The following DMD variants were observed in gnomAD, a reference collection of about 807,000 sequenced individuals.
DMD encodes the protein mutant dystrophin.
In DMD, 63 loss-of-function variants were observed where a neutral mutation model predicts 330.1. The ratio of observed to expected loss-of-function variants is 0.19; its 90% CI spans 0.16 to 0.24. The LOEUF (loss-of-function observed/expected upper bound fraction) is 0.24, where lower values mean the gene tolerates loss of function less well. DMD is among the 10% of genes least tolerant of loss of function. DMD has a pLI of 1.00. For synonymous variants in DMD, 1,223 were observed against 959.8 expected (o/e 1.27, Z -5.07); for missense variants, 3,344 against 2,684.1 (o/e 1.25, Z -5.43).
At chrX:31,523,243 T>A (rs1037116323) in intron 55 of DMD, among the ~76,000 whole-genome samples, 2 of 111,271 alleles carry the variant, frequency 1.8e-5, no homozygotes, top group African/African-American at 6.5e-5. Flanking sequence ...ATGAATGCCT[T>A]TATAAGAATG....
At chrX:32,662,923 A>T (rs181212852) in intron 9 of DMD, among the ~76,000 whole-genome samples, 1 of 112,233 alleles carries the variant, frequency 8.9e-6, no homozygotes, top group East Asian at 2.8e-4. Context: ...ACTGTCAAAA[A>T]TATTGACTGA....
At chrX:31,412,110 C>T (rs1209103598) in intron 60 of DMD, among the ~76,000 whole-genome samples, 2 of 100,696 alleles carry the variant, frequency 2.0e-5, no homozygotes, top group African/African-American at 7.5e-5. Flanking sequence ...CACTTGAACC[C>T]GGGAGGTGGA....
chrX:31,647,561 C>T (rs1335258031), intron 54 of DMD, among the ~76,000 whole-genome samples: 2 of 111,754 alleles, frequency 1.8e-5, no homozygotes, highest in South Asian at 3.7e-4. Context: ...AGGGTTTTTT[C>T]GTTTACACAT....
chrX:32,921,724 C>T (rs2088428698), intron 2 of DMD, among the ~76,000 whole-genome samples: 3 of 111,414 alleles, frequency 2.7e-5, no homozygotes, highest in Non-Finnish European at 3.8e-5. Context: ...GTACTATGTG[C>T]AATTAACTAG....
intron 55 of DMD, among the ~76,000 whole-genome samples, chrX:31,529,417 A>G (rs1041355597): frequency 1.6e-4 from 18 of 110,990 alleles, no homozygotes; most frequent in African/African-American, 5.9e-4. Context: ...AATAAAATAT[A>G]GTAAAGTAAA....
chrX:31,851,287 TAAAAA>T (rs200485120), intron 48 of DMD, among the ~76,000 whole-genome samples: 1 of 104,477 alleles, frequency 9.6e-6, no homozygotes, highest in Admixed American at 1.0e-4. Context: ...AAGGGAGACT[TAAAAA>T]AAAAAAACTT....
At chrX:32,511,749 T>A (rs1284041323) in intron 18 of DMD, among the ~76,000 whole-genome samples, 1 of 110,676 alleles carries the variant, frequency 9.0e-6, no homozygotes, top group Admixed American at 9.7e-5. Context: ...TAGAGCTGTT[T>A]ATCATATATG....
rs765884322 is a variant in DMD, at chrX:31,739,537, C to T, written c.7543-9789G>A. Among the ~76,000 whole-genome samples the T allele has an allele frequency of 1.0e-4, 11 of 110,315 alleles. No homozygotes were observed. In the East Asian group the frequency reaches 2.8e-3, roughly 28 times the overall value. On this transcript the variant is annotated intron_variant, in intron 51 of 78. Coordinates refer to ENST00000357033, the MANE Select transcript of DMD (RefSeq NM_004006.3). ...TTAAGCCTAGCACTGCATGTTCTCACTCGTAAGTGGGAATTGAACAATGAG... is the reference window on the plus strand; with the variant it reads ...TTAAGCCTAGCACTGCATGTTCTCATTCGTAAGTGGGAATTGAACAATGAG...
At chrX:31,641,054 A>G (rs1399878852) in intron 54 of DMD, among the ~76,000 whole-genome samples, 1 of 112,215 alleles carries the variant, frequency 8.9e-6, no homozygotes, top group Non-Finnish European at 1.9e-5. Context: ...ACAATTCTAG[A>G]GTGGGCTGAG....
In DMD at chrX:31,706,600, G is replaced by A. The variant is rs527318169; in HGVS notation, c.7660+23031C>T. ...AGACTCTAGTTTTCCTATATTCCAC[G>A]GTCCATTTGAAAGCACTAACTTATT... On this transcript the variant is annotated intron_variant, in intron 52 of 78. Transcript: ENST00000357033. Among the ~76,000 whole-genome samples, 111 of 110,248 alleles carry A rather than the reference G, an allele frequency of 1.0e-3. No individual in the cohort carries two copies. The Middle Eastern group carries it at 0.014, about 14-fold the overall frequency.
intron 47 of DMD, among the ~76,000 whole-genome samples, chrX:31,910,050 C>T: frequency 8.9e-6 from 1 of 112,364 alleles, no homozygotes; most frequent in Middle Eastern, 4.6e-3. Context: ...CCTTCGTTGG[C>T]AAATGAAGGA....
At chrX:31,327,314 C>T (rs997662001) in intron 61 of DMD, among the ~76,000 whole-genome samples, 11 of 112,122 alleles carry the variant, frequency 9.8e-5, no homozygotes, top group African/African-American at 3.2e-4. Context: ...TCTTCAAATG[C>T]TTTTCCTTCC....
intron 61 of DMD, among the ~76,000 whole-genome samples, chrX:31,333,407 CTTTTTTTTTTTT>C (rs145925904): frequency 0.012 from 461 of 39,371 alleles, 10 homozygotes; most frequent in African/African-American, 0.046. Context: ...CTGCCCCCGC[CTTTTTTTTTTTT>C]TTTTTTTTTT....
At chrX:32,712,420 C>A (rs953978418) in intron 7 of DMD, among the ~76,000 whole-genome samples, 1 of 111,245 alleles carries the variant, frequency 9.0e-6, no homozygotes, top group Non-Finnish European at 1.9e-5. Flanking sequence ...AATGTGAAAC[C>A]TCAGGATCAA....
intron 44 of DMD, among the ~76,000 whole-genome samples, chrX:32,025,256 T>C: frequency 8.9e-6 from 1 of 112,674 alleles, no homozygotes; most frequent in Non-Finnish European, 1.9e-5. Context: ...ACTATTTTAA[T>C]TTAAAAATCC....
At chrX:33,006,455 C>A (rs1184856955) in intron 2 of DMD, among the ~76,000 whole-genome samples, 3 of 111,896 alleles carry the variant, frequency 2.7e-5, no homozygotes, top group Non-Finnish European at 5.7e-5. Flanking sequence ...GTTTACTGAT[C>A]TTTGACAAAC....
intron 7 of DMD, among the ~76,000 whole-genome samples, chrX:32,767,027 C>T (rs968198739): frequency 1.2e-4 from 13 of 111,562 alleles, no homozygotes; most frequent in African/African-American, 3.9e-4. Context: ...AACAAAACTA[C>T]TCCGCATTAT....
At chrX:31,882,370 A>G (rs1271417998) in intron 47 of DMD, among the ~76,000 whole-genome samples, 3 of 111,880 alleles carry the variant, frequency 2.7e-5, no homozygotes, top group Non-Finnish European at 5.6e-5. Context: ...TTGACTCTCC[A>G]CATCATACAC....
At chrX:32,094,862 T>A (rs1295461025) in intron 44 of DMD, among the ~76,000 whole-genome samples, 1 of 111,461 alleles carries the variant, frequency 9.0e-6, no homozygotes, top group Non-Finnish European at 1.9e-5. Flanking sequence ...AAATACCAAA[T>A]GAGCTGTATA....
Sources: allele counts gnomAD v4.1 joint callset (sites outside exome capture counted in the v4.1 genomes callset), GRCh38; gene constraint gnomAD v4.1.1; transcripts MANE v1.5; gene names NCBI Gene and HGNC (gene_info 2026-07-23, HGNC 2026-07-21).